Variants in USP15 observed in about 807,000 individuals in gnomAD.
USP15 encodes the protein ubiquitin specific peptidase 15.
In USP15, 18 loss-of-function variants were observed where a neutral mutation model predicts 127.1. The observed-to-expected ratio is 0.14, with a 90% CI of 0.10 to 0.21. The LOEUF is 0.21. Among genes scored for constraint, USP15 ranks in the 10% least tolerant of loss-of-function variants. The pLI is 1.00. For missense variants in USP15, 805 were observed against 1,159.9 expected, an observed-to-expected ratio of 0.69 and a Z score of 4.44; for synonymous variants, 364 against 393.7, an observed-to-expected ratio of 0.92 and a Z score of 0.89.
intron 8 of USP15, among the ~76,000 whole-genome samples, chr12:62,369,465 G>C (rs980725640): frequency 4.0e-5 from 6 of 148,170 alleles, no homozygotes; most frequent in African/African-American, 1.5e-4. Flanking sequence ...ATGCCAACTG[G>C]TTTTTTTTTT....
At chr12:62,296,395 A>C (rs1252252944) in intron 2 of USP15, among the ~76,000 whole-genome samples, 2 of 152,240 alleles carry the variant, frequency 1.3e-5, no homozygotes, top group Non-Finnish European at 2.9e-5. Flanking sequence ...TGGAAAACTA[A>C]TAACACATGC....
At chr12:62,298,975 A>G (rs1328381650) in intron 2 of USP15, among the ~76,000 whole-genome samples, 1 of 152,080 alleles carries the variant, frequency 6.6e-6, no homozygotes, top group Non-Finnish European at 1.5e-5. Context: ...GAATTTTGTA[A>G]AACATTCCTT....
At position 62,381,345 on chromosome 12, in the gene USP15, T is replaced by TCTTGCACTAA. The variant is rs2066984177; in HGVS notation, c.916-145_916-144insCTTGCACTAA. On this transcript the variant is annotated intron_variant, in intron 8 of 21. Transcript: ENST00000280377. ...TTGAGTACATCATTTGAGTGTTTAT[T>TCTTGCACTAA]TGACCAGTTATTAGTGCAAGAAACC... 8 of 582,904 alleles carry TCTTGCACTAA rather than the reference T, an allele frequency of 1.4e-5. No individual in the cohort carries two copies. In the South Asian group the frequency reaches 2.7e-4, roughly 20 times the overall value. 36.1% of individuals were successfully genotyped at this position (582,904 alleles called of 1,614,324 possible). A position where few individuals can be genotyped will look rare whatever the true frequency, so the allele number is the denominator to read the frequency against.
At chr12:62,273,575 C>G (rs1226850905) in intron 1 of USP15, among the ~76,000 whole-genome samples, 2 of 152,018 alleles carry the variant, frequency 1.3e-5, no homozygotes, top group Non-Finnish European at 2.9e-5. Flanking sequence ...TTTATATCTA[C>G]TCAAGTCTGA....
intron 3 of USP15, among the ~76,000 whole-genome samples, chr12:62,309,154 T>C (rs2064579605): frequency 7.0e-6 from 1 of 142,596 alleles, no homozygotes; most frequent in African/African-American, 2.8e-5. Context: ...GCAGTGAAAT[T>C]AGACCAGTAA....
At chr12:62,262,265 A>G (rs1365422210) in intron 1 of USP15, among the ~76,000 whole-genome samples, 1 of 152,114 alleles carries the variant, frequency 6.6e-6, no homozygotes, top group African/African-American at 2.4e-5. Flanking sequence ...TATTGTTTTT[A>G]TTATAATGTT....
chr12:62,285,507 A>G (rs963573498), intron 1 of USP15, among the ~76,000 whole-genome samples: 5 of 151,614 alleles, frequency 3.3e-5, no homozygotes, highest in Non-Finnish European at 7.4e-5. Flanking sequence ...AGTGTGCCAC[A>G]TTGTCTTTAT....
intron 1 of USP15, among the ~76,000 whole-genome samples, chr12:62,279,636 G>GT (rs776806350): frequency 2.2e-4 from 33 of 151,672 alleles, no homozygotes; most frequent in Non-Finnish European, 3.8e-4. Context: ...GTTACCTTTT[G>GT]TTTTTTTCAA....
At chr12:62,280,703 C>G (rs2063625016) in intron 1 of USP15, among the ~76,000 whole-genome samples, 1 of 151,996 alleles carries the variant, frequency 6.6e-6, no homozygotes, top group Admixed American at 6.6e-5. Flanking sequence ...GACCATAGCT[C>G]TACATGTTGA....
rs1040726793 is a variant in USP15, at chr12:62,406,988, G to A, written c.*2613G>A. ...TCAAAAAAAAAAAAGATATTCATAG[G>A]TAATACAGGGTAATGGGAATATATC... On this transcript the variant is annotated 3_prime_UTR_variant, in exon 22 of 22. Transcript: ENST00000280377. 2 of 151,974 alleles carry A rather than the reference G, an allele frequency of 1.3e-5. No homozygotes were observed. The highest frequency in any genetic ancestry group is 4.8e-5 in the African/African-American group (2 of 41,360). 9.4% of individuals were successfully genotyped at this position (151,974 alleles called of 1,614,324 possible).
At chr12:62,340,152 G>T (rs749846425) in intron 6 of USP15, among the ~76,000 whole-genome samples, 9 of 152,160 alleles carry the variant, frequency 5.9e-5, no homozygotes, top group Non-Finnish European at 1.3e-4. Context: ...GTTTCTTCTA[G>T]ATTTTCTAGT....
intron 1 of USP15, among the ~76,000 whole-genome samples, chr12:62,265,080 A>G (rs1243315425): frequency 2.0e-5 from 3 of 152,204 alleles, no homozygotes; most frequent in Non-Finnish European, 4.4e-5. Flanking sequence ...GACTTCTGTT[A>G]GTGAGTCCAG....
intron 1 of USP15, 92 bp from the exon 2 acceptor site, chr12:62,294,087 T>C (rs2064057357): frequency 7.3e-7 from 1 of 1,363,172 alleles, no homozygotes; most frequent in African/African-American, 1.5e-5. Flanking sequence ...ATATGTCTTT[T>C]AATATAAAAG....
rs1003988536 is a variant in USP15 at position 62,411,442 on chromosome 12, A to C, written c.*7067A>C. Reference sequence around the variant, plus strand: ...AGATTCAAGATATAAAGTAATATACAAAAACAAAATCCAGTTACAAATATA... The same window carrying C: ...AGATTCAAGATATAAAGTAATATACCAAAACAAAATCCAGTTACAAATATA... On this transcript the variant is annotated 3_prime_UTR_variant, in exon 22 of 22. Transcript: ENST00000280377. The C allele has an allele frequency of 1.1e-4, 16 of 152,224 alleles. No homozygotes were observed. The highest frequency in any genetic ancestry group is 2.9e-5 in the Non-Finnish European group (2 of 68,042). The allele number at this position is 152,224 out of a possible 1,614,324, so 9.4% of individuals were successfully genotyped here.
chr12:62,377,826 AT>A (rs374067439), intron 8 of USP15, among the ~76,000 whole-genome samples: 24 of 151,560 alleles, frequency 1.6e-4, no homozygotes, highest in African/African-American at 3.6e-4. Context: ...TAATTGCTTG[AT>A]TTTTTTTTCC....
At chr12:62,319,503 T>C (rs537496897) in intron 4 of USP15, among the ~76,000 whole-genome samples, 2 of 152,332 alleles carry the variant, frequency 1.3e-5, no homozygotes, top group South Asian at 2.1e-4. Flanking sequence ...ATAAATACTT[T>C]GATAGGTCAC....
At chr12:62,324,650 A>C (rs557136658) in intron 5 of USP15, among the ~76,000 whole-genome samples, 4 of 151,990 alleles carry the variant, frequency 2.6e-5, no homozygotes, top group African/African-American at 9.7e-5. Context: ...TATTAGGTAC[A>C]TGGTACATTT....
chr12:62,262,231 T>G (rs540904203), intron 1 of USP15, among the ~76,000 whole-genome samples: 1 of 151,904 alleles, frequency 6.6e-6, no homozygotes, highest in East Asian at 1.9e-4. Context: ...TGAGACTCCA[T>G]CTCAAAAAAA....
At chr12:62,326,011 G>A in intron 6 of USP15, 78 bp downstream of exon 6, 5 of 1,260,248 alleles carry the variant, frequency 4.0e-6, no homozygotes, top group Non-Finnish European at 5.6e-6. Context: ...CACAATGATA[G>A]AAGAACCTAG....
Sources: allele counts gnomAD v4.1 joint callset (sites outside exome capture counted in the v4.1 genomes callset), GRCh38; gene constraint gnomAD v4.1.1; transcripts MANE v1.5; gene names NCBI Gene and HGNC (gene_info 2026-07-23, HGNC 2026-07-21).